Variants in RANBP17 observed in about 807,000 individuals in gnomAD.
RANBP17 encodes ran-binding protein 17.
In RANBP17, 158 loss-of-function variants were observed where a neutral mutation model predicts 141.2. The ratio of observed to expected loss-of-function variants is 1.12; its 90% CI spans 0.98 to 1.28. RANBP17 has a LOEUF of 1.28. RANBP17 is among the 50% of genes most tolerant of loss of function. The pLI, the probability that RANBP17 is intolerant of heterozygous loss-of-function variation, is 0.00. For missense variants in RANBP17, 1,438 were observed against 1,290.7 expected (o/e 1.11, Z -1.75); for synonymous variants, 430 against 450.0 (o/e 0.96, Z 0.56).
At chr5:170,983,222 A>G (rs1777895056) in intron 14 of RANBP17, 1 of 365,292 alleles carries the variant, frequency 2.7e-6, no homozygotes, top group African/African-American at 2.1e-5. Context: ...GAGAGCAACC[A>G]GTTCAAACTG....
intron 14 of RANBP17, among the ~76,000 whole-genome samples, chr5:171,145,469 T>C (rs1199351729): frequency 6.6e-6 from 1 of 152,202 alleles, no homozygotes; most frequent in Non-Finnish European, 1.5e-5. Context: ...ACAATGCATA[T>C]TCTAAAGGCC....
intron 12 of RANBP17, among the ~76,000 whole-genome samples, chr5:170,931,280 TGTTTAA>T (rs1448036403): frequency 6.6e-6 from 1 of 152,240 alleles, no homozygotes; most frequent in Admixed American, 6.5e-5. Flanking sequence ...CTTGTAAATT[TGTTTAA>T]GTTCTTTGTA....
At chr5:170,886,329 C>T (rs1449314496) in intron 3 of RANBP17, among the ~76,000 whole-genome samples, 2 of 152,104 alleles carry the variant, frequency 1.3e-5, no homozygotes, top group Non-Finnish European at 2.9e-5. Flanking sequence ...ATCTATGAAA[C>T]CAATCCAGAA....
At chr5:171,041,035 G>A (rs545177589) in intron 14 of RANBP17, among the ~76,000 whole-genome samples, 3 of 152,044 alleles carry the variant, frequency 2.0e-5, no homozygotes, top group Non-Finnish European at 4.4e-5. Context: ...TTGCAGAATG[G>A]CTTGCTCACG....
chr5:170,920,729 C>G (rs1469288626), intron 11 of RANBP17, among the ~76,000 whole-genome samples: 1 of 152,116 alleles, frequency 6.6e-6, no homozygotes, highest in African/African-American at 2.4e-5. Flanking sequence ...TAAAAGCATT[C>G]CTGTTTCTCC....
chr5:171,298,047 G>A (rs1463050020), intron 27 of RANBP17, among the ~76,000 whole-genome samples: 2 of 151,534 alleles, frequency 1.3e-5, no homozygotes, highest in African/African-American at 2.4e-5. Flanking sequence ...TAGTAGAGAC[G>A]GGGTTTCACA....
At chr5:170,862,732 C>T (rs1766915685) in intron 1 of RANBP17, among the ~76,000 whole-genome samples, 1 of 151,970 alleles carries the variant, frequency 6.6e-6, no homozygotes, top group South Asian at 2.1e-4. Context: ...TGTATATCCT[C>T]GGGCTGCTCT....
At chr5:171,240,202 C>T (rs150427073) in intron 22 of RANBP17, among the ~76,000 whole-genome samples, 1 of 151,736 alleles carries the variant, frequency 6.6e-6, no homozygotes, top group African/African-American at 2.4e-5. Flanking sequence ...TACTTACTAG[C>T]ACACATTTCA....
chr5:171,243,418 C>T (rs1259840835), intron 24 of RANBP17, among the ~76,000 whole-genome samples: 1 of 152,134 alleles, frequency 6.6e-6, no homozygotes, highest in African/African-American at 2.4e-5. Context: ...TGTTTATTCA[C>T]CAGCTGATGG....
intron 25 of RANBP17, chr5:171,271,461 G>A (rs1767113717): frequency 4.8e-6 from 1 of 209,276 alleles, no homozygotes; most frequent in Non-Finnish European, 9.7e-6. Flanking sequence ...TGAGATTTTG[G>A]CCTACAGGAA....
chr5:171,101,092 G>C (rs780721281), intron 14 of RANBP17, among the ~76,000 whole-genome samples: 23 of 152,174 alleles, frequency 1.5e-4, no homozygotes, highest in Non-Finnish European at 2.8e-4. Flanking sequence ...TTGGGGTGGA[G>C]AGTTCTGTAG....
chr5:170,900,398 T>C (rs1232002942), intron 5 of RANBP17, among the ~76,000 whole-genome samples: 1 of 152,156 alleles, frequency 6.6e-6, no homozygotes, highest in Admixed American at 6.5e-5. Context: ...TTGATTCTTC[T>C]CTCTTTTTTT....
intron 14 of RANBP17, among the ~76,000 whole-genome samples, chr5:171,075,516 T>G (rs987684421): frequency 1.5e-4 from 23 of 152,150 alleles, no homozygotes; most frequent in African/African-American, 5.3e-4. Flanking sequence ...AGAAAGTACA[T>G]TATTGATTGC....
At chr5:170,922,015 G>A (rs1772505928) in intron 11 of RANBP17, among the ~76,000 whole-genome samples, 1 of 152,142 alleles carries the variant, frequency 6.6e-6, no homozygotes, top group Admixed American at 6.5e-5. Flanking sequence ...TGGGGTTTCT[G>A]TGTAGATGTC....
chr5:170,872,463 G>T (rs372346908), intron 1 of RANBP17, among the ~76,000 whole-genome samples: 1 of 151,742 alleles, frequency 6.6e-6, no homozygotes, highest in East Asian at 1.9e-4. Context: ...CTGCAGAGAT[G>T]ATTTGACTTC....
intron 12 of RANBP17, among the ~76,000 whole-genome samples, chr5:170,928,375 C>T (rs1457827563): frequency 6.6e-6 from 1 of 151,920 alleles, no homozygotes; most frequent in Non-Finnish European, 1.5e-5. Context: ...TCACTTTTTT[C>T]TTTATGGCTT....
At chr5:170,882,386 G>A (rs1000592292) in intron 3 of RANBP17, among the ~76,000 whole-genome samples, 12 of 152,074 alleles carry the variant, frequency 7.9e-5, no homozygotes, top group Admixed American at 7.2e-4. Flanking sequence ...GGCCAAAAAA[G>A]CATTTATTTA....
chr5:171,214,434 T>C (rs113611309), intron 21 of RANBP17, among the ~76,000 whole-genome samples: 13 of 152,296 alleles, frequency 8.5e-5, no homozygotes, highest in African/African-American at 3.1e-4. Flanking sequence ...TTAAAATATG[T>C]CATTGTGGAT....
intron 14 of RANBP17, among the ~76,000 whole-genome samples, chr5:171,096,673 G>A (rs1486878909): frequency 2.0e-5 from 3 of 152,088 alleles, no homozygotes; most frequent in Non-Finnish European, 4.4e-5. Context: ...TGAGAATTTG[G>A]GGGAAATGTT....
Sources: gnomAD v4.1 joint callset for allele counts (sites outside exome capture counted in the v4.1 genomes callset) on GRCh38, gnomAD v4.1.1 for gene constraint, MANE v1.5 for transcripts, NCBI Gene and HGNC (gene_info 2026-07-23, HGNC 2026-07-21) for gene names.